CTNNA2: variants seen among roughly 807,000 people sequenced by gnomAD.
CTNNA2 encodes catenin alpha 2.
CTNNA2 carries 42 observed loss-of-function variants against 101.0 expected under a neutral mutation model. The ratio of observed to expected loss-of-function variants is 0.42; its 90% CI spans 0.32 to 0.54. The LOEUF is 0.54. CTNNA2 is among the 20% of genes least tolerant of loss of function. The probability of loss-of-function intolerance (pLI) is 0.14; values close to 1 mark genes in which losing one functional copy is unlikely to be tolerated. For synonymous variants in CTNNA2, 450 were observed against 456.4 expected, an observed-to-expected ratio of 0.99 and a Z score of 0.18; for missense variants, 871 against 1,223.1, an observed-to-expected ratio of 0.71 and a Z score of 4.29.
At chr2:80,247,592 T>TTC (rs552913132) in intron 7 of CTNNA2, among the ~76,000 whole-genome samples, 136 of 152,182 alleles carry the variant, frequency 8.9e-4, no homozygotes, top group Non-Finnish European at 1.5e-3. Context: ...TCTTCTGCTT[T>TTC]TCTCTCTCTC....
chr2:79,869,315 T>A (rs1320546122), intron 4 of CTNNA2, among the ~76,000 whole-genome samples: 1 of 152,216 alleles, frequency 6.6e-6, no homozygotes, highest in Non-Finnish European at 1.5e-5. Context: ...TGGAGAGGTA[T>A]AAACTCAGCC....
At chr2:80,554,161 A>C (rs1342742970) in intron 11 of CTNNA2, among the ~76,000 whole-genome samples, 2 of 152,224 alleles carry the variant, frequency 1.3e-5, no homozygotes, top group South Asian at 2.1e-4. Context: ...TAAAAATATA[A>C]ATTTTCTTTC....
At chr2:79,570,515 A>C (rs997820577) in intron 1 of CTNNA2, among the ~76,000 whole-genome samples, 3 of 152,172 alleles carry the variant, frequency 2.0e-5, no homozygotes, top group Non-Finnish European at 4.4e-5. Flanking sequence ...AAATTTGCCG[A>C]TTGTAACCTA....
intron 3 of CTNNA2, among the ~76,000 whole-genome samples, chr2:79,791,726 C>A (rs1308020435): frequency 6.6e-6 from 1 of 152,296 alleles, no homozygotes; most frequent in African/African-American, 2.4e-5. Flanking sequence ...TCCACAAAGA[C>A]CAAGCCCATG....
At chr2:79,453,992 C>A (rs1019427943) in intron 4 of CTNNA2, among the ~76,000 whole-genome samples, 2 of 152,068 alleles carry the variant, frequency 1.3e-5, no homozygotes, top group African/African-American at 4.8e-5. Context: ...GATTTATTAT[C>A]ATATAGATAA....
At chr2:79,252,309 A>C (rs951552605) in intron 2 of CTNNA2, among the ~76,000 whole-genome samples, 4 of 151,724 alleles carry the variant, frequency 2.6e-5, no homozygotes, top group African/African-American at 9.7e-5. Context: ...TTTTTCATAC[A>C]GTAGGTATAG....
chr2:79,472,908 A>T (rs1671014701), intron 4 of CTNNA2, among the ~76,000 whole-genome samples: 1 of 152,190 alleles, frequency 6.6e-6, no homozygotes, highest in African/African-American at 2.4e-5. Context: ...CTAAATATAC[A>T]TTTTTATTGC....
At chr2:79,244,883 C>T (rs6732482) in intron 2 of CTNNA2, among the ~76,000 whole-genome samples, 103,774 of 151,622 alleles carry the variant, frequency 0.68, 35,887 homozygotes, top group East Asian at 0.85. Context: ...TCACCTGAGG[C>T]CAAGAGTTTG....
At chr2:80,084,369 A>G (rs969609253) in intron 7 of CTNNA2, among the ~76,000 whole-genome samples, 1 of 152,152 alleles carries the variant, frequency 6.6e-6, no homozygotes, top group Admixed American at 6.6e-5. Flanking sequence ...AATGCTTCTT[A>G]CAGGCACTGC....
intron 2 of CTNNA2, among the ~76,000 whole-genome samples, chr2:79,685,453 C>T (rs1573674472): frequency 6.6e-6 from 1 of 152,302 alleles, no homozygotes; most frequent in African/African-American, 2.4e-5. Flanking sequence ...TACTCCTACA[C>T]GGCAGTCTGA....
At chr2:80,306,376 TTTC>T (rs1676952900) in intron 7 of CTNNA2, among the ~76,000 whole-genome samples, 2 of 120,252 alleles carry the variant, frequency 1.7e-5, no homozygotes, top group Non-Finnish European at 3.3e-5. Flanking sequence ...TCTTTCTTTC[TTTC>T]TTTTCTTTTC....
intron 2 of CTNNA2, among the ~76,000 whole-genome samples, chr2:79,280,623 C>CTGTGTGTGTGTGTGTGTGTGTGTGTG (rs369268407): frequency 1.5e-5 from 2 of 129,198 alleles, no homozygotes; most frequent in African/African-American, 6.1e-5. Context: ...ATCCTGTATG[C>CTGTGTGTGTGTGTGTGTGTGTGTGTG]TGTGTGTGTG....
At chr2:80,247,687 A>G (rs1187566674) in intron 7 of CTNNA2, among the ~76,000 whole-genome samples, 1 of 151,934 alleles carries the variant, frequency 6.6e-6, no homozygotes, top group Non-Finnish European at 1.5e-5. Flanking sequence ...TCTCTGTGCT[A>G]TCTTTCTTGG....
At chr2:80,555,542 A>G (rs1314462450) in intron 11 of CTNNA2, 151 bp from the exon 12 acceptor site, 1 of 427,452 alleles carries the variant, frequency 2.3e-6, no homozygotes, top group African/African-American at 2.0e-5. Context: ...TGTTGTAATT[A>G]TAAACTATGT....
At position 79,279,051 on chromosome 2, in the gene CTNNA2, G is replaced by A. The variant is rs568814511; in HGVS notation, c.-405-33658G>A. 1.5e-4 allele frequency among the ~76,000 whole-genome samples: 23 copies of A among 152,204 alleles called. No homozygotes were observed. The South Asian group carries it at 3.9e-3, about 26-fold the overall frequency. ...ATCAGATGTGGAGAGATGGAACAGG[G>A]ATTCATAAGCATTTGTTGTGAACCT... is the stretch of plus-strand genomic sequence containing the variant. On this transcript the variant is annotated intron_variant, in intron 2 of 21. Coordinates refer to the CTNNA2 transcript ENST00000466387.
In CTNNA2 at chr2:80,315,511, G is replaced by C. The variant is rs143190258; in HGVS notation, c.1057-77700G>C. 5.8e-3 allele frequency among the ~76,000 whole-genome samples: 878 copies of C among 152,236 alleles called. 32 individuals carry two copies. Among genetic ancestry groups the C allele is most frequent in the South Asian group, 0.016 (77 of 4,832 alleles). ...CTGGGACTCAACTAACTTTAGGTTA[G>C]GGTACCTGAGTTCTCTCCCGCATGT... is the stretch of plus-strand genomic sequence containing the variant. On this transcript the variant is annotated intron_variant, in intron 7 of 18. Coordinates refer to ENST00000402739, the MANE Select transcript of CTNNA2 (RefSeq NM_001282597.3).
intron 3 of CTNNA2, among the ~76,000 whole-genome samples, chr2:79,760,924 C>T (rs1672744910): frequency 7.1e-6 from 1 of 141,140 alleles, no homozygotes; most frequent in Admixed American, 7.2e-5. Context: ...CTCTTGGGTA[C>T]AATGGAGACT....
chr2:80,359,186 G>C (rs76968805), intron 7 of CTNNA2, among the ~76,000 whole-genome samples: 3,980 of 151,894 alleles, frequency 0.026, 118 homozygotes, highest in African/African-American at 0.065. Flanking sequence ...GACCAGCCTG[G>C]GCAATATGGC....
At chr2:79,233,353 G>A (rs1316789512) in intron 2 of CTNNA2, among the ~76,000 whole-genome samples, 1 of 152,060 alleles carries the variant, frequency 6.6e-6, no homozygotes, top group South Asian at 2.1e-4. Flanking sequence ...TTCATGTTTT[G>A]TGTAGTTTTG....
Sources: allele counts gnomAD v4.1 joint callset (sites outside exome capture counted in the v4.1 genomes callset), GRCh38; gene constraint gnomAD v4.1.1; transcripts MANE v1.5; gene names NCBI Gene and HGNC (gene_info 2026-07-23, HGNC 2026-07-21).